The following COL21A1 variants were observed in gnomAD, a reference collection of about 807,000 sequenced individuals.
The protein encoded by COL21A1 is collagen type XXI alpha 1 chain, also known as collagen alpha-1(XXI) chain.
Under a neutral mutation model 137.9 loss-of-function variants are expected in COL21A1, and 149 were observed. The ratio of observed to expected loss-of-function variants is 1.08; its 90% CI spans 0.95 to 1.24. The LOEUF (loss-of-function observed/expected upper bound fraction) is 1.24. COL21A1 is among the 50% of genes most tolerant of loss of function. The probability of loss-of-function intolerance (pLI) is 0.00; values close to 1 mark genes in which losing one functional copy is unlikely to be tolerated. For synonymous variants in COL21A1, 456 were observed against 391.5 expected, an observed-to-expected ratio of 1.16 and a Z score of -1.95; for missense variants, 1,167 against 1,158.4, an observed-to-expected ratio of 1.01 and a Z score of -0.11.
At chr6:56,317,071 C>A (rs1467346304) in intron 1 of COL21A1, among the ~76,000 whole-genome samples, 1 of 152,116 alleles carries the variant, frequency 6.6e-6, no homozygotes, top group African/African-American at 2.4e-5. Flanking sequence ...GCTCTAGCAC[C>A]TTCTGTTCCA....
intron 1 of COL21A1, among the ~76,000 whole-genome samples, chr6:56,269,654 C>CAAAA (rs70986792): frequency 6.2e-5 from 4 of 64,048 alleles, no homozygotes; most frequent in African/African-American, 8.7e-5. Context: ...GACTCCGTCT[C>CAAAA]AAAAAAAAAA....
At chr6:56,297,849 A>T (rs1053404706) in intron 1 of COL21A1, among the ~76,000 whole-genome samples, 1 of 152,082 alleles carries the variant, frequency 6.6e-6, no homozygotes, top group African/African-American at 2.4e-5. Context: ...ATTATGTTAC[A>T]GTTAGGGTTT....
At chr6:56,347,957 T>C (rs976309100) in intron 1 of COL21A1, among the ~76,000 whole-genome samples, 4 of 152,222 alleles carry the variant, frequency 2.6e-5, no homozygotes, top group African/African-American at 9.6e-5. Context: ...AAAAATATTA[T>C]CATTTCATAT....
chr6:56,215,131 A>T (rs1462143573), intron 1 of COL21A1, among the ~76,000 whole-genome samples: 1 of 151,984 alleles, frequency 6.6e-6, no homozygotes, highest in Non-Finnish European at 1.5e-5. Flanking sequence ...TGATTCTTTT[A>T]TTGGCATGTC....
intron 1 of COL21A1, among the ~76,000 whole-genome samples, chr6:56,304,372 T>G (rs36149345): frequency 0.26 from 39,971 of 151,468 alleles, 6,496 homozygotes; most frequent in Non-Finnish European, 0.38. Context: ...TGGACTTTTT[T>G]TGGTTGGTAA....
chr6:56,392,702 T>G (rs2094032102), intron 1 of COL21A1, among the ~76,000 whole-genome samples: 2 of 151,946 alleles, frequency 1.3e-5, no homozygotes, highest in African/African-American at 4.8e-5. Flanking sequence ...CTAAAAACAG[T>G]GAATAATCTG....
rs574064756 is a variant in COL21A1, at chr6:56,210,083, G to T, written c.-38-27427C>A. On this transcript the variant is annotated intron_variant, in intron 1 of 29. Coordinates refer to ENST00000244728, the MANE Select transcript of COL21A1 (RefSeq NM_030820.4). ...GAGAGCACCTGGACTCAGGTGGGAGGCATCACACACTGGGGCCTGTTGGGT... is the reference window on the plus strand; with the variant it reads ...GAGAGCACCTGGACTCAGGTGGGAGTCATCACACACTGGGGCCTGTTGGGT... Among the ~76,000 whole-genome samples, 309 of 151,832 alleles carry T rather than the reference G, an allele frequency of 2.0e-3. 1 individual carries two copies. Among genetic ancestry groups the T allele is most frequent in the Non-Finnish European group, 2.8e-3 (192 of 67,930 alleles).
At chr6:56,346,672 G>T (rs1470040672) in intron 1 of COL21A1, among the ~76,000 whole-genome samples, 2 of 152,136 alleles carry the variant, frequency 1.3e-5, no homozygotes, top group African/African-American at 2.4e-5. Context: ...AAGTAGTTCA[G>T]TATGGTGTAA....
intron 16 of COL21A1, among the ~76,000 whole-genome samples, chr6:56,107,211 A>G (rs1771018054): frequency 6.6e-6 from 1 of 152,218 alleles, no homozygotes; most frequent in Non-Finnish European, 1.5e-5. Flanking sequence ...AAATTACTAG[A>G]AACCAAGGGA....
chr6:56,119,348 T>G (rs1479781882), intron 16 of COL21A1, among the ~76,000 whole-genome samples: 1 of 148,548 alleles, frequency 6.7e-6, no homozygotes, highest in Admixed American at 6.6e-5. Context: ...AAATTAAATA[T>G]CTAAGAATTG....
At chr6:56,122,732 A>C (rs1189779983) in intron 16 of COL21A1, among the ~76,000 whole-genome samples, 2 of 152,238 alleles carry the variant, frequency 1.3e-5, no homozygotes, top group Non-Finnish European at 2.9e-5. Flanking sequence ...GGAATCTTAA[A>C]GCTGTGTTCA....
chr6:56,194,379 G>A (rs761048959), intron 1 of COL21A1, among the ~76,000 whole-genome samples: 2 of 152,066 alleles, frequency 1.3e-5, no homozygotes, highest in African/African-American at 4.8e-5. Context: ...ATGAAGTTAG[G>A]CTTATCAAGT....
At chr6:56,322,656 G>A (rs1582779491) in intron 1 of COL21A1, among the ~76,000 whole-genome samples, 1 of 152,088 alleles carries the variant, frequency 6.6e-6, no homozygotes, top group Middle Eastern at 3.4e-3. Flanking sequence ...GTGAATACTA[G>A]CCATTTCTAT....
chr6:56,153,020 G>A (rs1241791825), intron 10 of COL21A1, among the ~76,000 whole-genome samples: 1 of 152,152 alleles, frequency 6.6e-6, no homozygotes, highest in Non-Finnish European at 1.5e-5. Flanking sequence ...AGTATCTTCA[G>A]TGAGATTAAA....
At chr6:56,184,419 T>G (rs1778125348) in intron 1 of COL21A1, among the ~76,000 whole-genome samples, 1 of 129,366 alleles carries the variant, frequency 7.7e-6, no homozygotes, top group African/African-American at 2.9e-5. Flanking sequence ...TTAAAGCTTC[T>G]AAATATATGA....
chr6:56,340,207 A>G (rs1423927048), intron 1 of COL21A1, among the ~76,000 whole-genome samples: 1 of 152,136 alleles, frequency 6.6e-6, no homozygotes, highest in Non-Finnish European at 1.5e-5. Flanking sequence ...TGGCCTGTTC[A>G]TCAGTCACCT....
intron 17 of COL21A1, among the ~76,000 whole-genome samples, chr6:56,099,286 T>G (rs374546180): frequency 7.0e-6 from 1 of 142,486 alleles, no homozygotes; most frequent in East Asian, 2.1e-4. Flanking sequence ...CAGGCTGGAG[T>G]GCAGTGGCGC....
rs1782220704 is a variant in COL21A1, at chr6:56,240,379, G to C, written c.-39+7008C>G. ...GCAGCCTCCACCTGACAACAGAACT[G>C]CCAGTGCCTTGATCTTAGATTCCAG... On this transcript the variant is annotated intron_variant, in intron 1 of 29. Coordinates refer to ENST00000244728, the MANE Select transcript of COL21A1 (RefSeq NM_030820.4). 2.0e-5 allele frequency among the ~76,000 whole-genome samples: 3 copies of C among 152,130 alleles called. No homozygotes were observed. The South Asian group carries it at 6.2e-4, about 31-fold the overall frequency.
rs371400437 is a variant in COL21A1, at chr6:56,339,908, G to A, written c.-39+54063C>T. ...AAAAATATATAAATGCAAGCAGCTA[G>A]TCACAAATGAAAAACCTCCAAAAGA... On this transcript the variant is annotated intron_variant, in intron 1 of 28. Coordinates refer to the COL21A1 transcript ENST00000370819. Among the ~76,000 whole-genome samples the A allele has an allele frequency of 4.6e-4, 70 of 152,258 alleles. 1 individual carries two copies. The South Asian group carries it at 0.014, about 30-fold the overall frequency.
Sources: gnomAD v4.1 joint callset for allele counts (sites outside exome capture counted in the v4.1 genomes callset) on GRCh38, gnomAD v4.1.1 for gene constraint, MANE v1.5 for transcripts, NCBI Gene and HGNC (gene_info 2026-07-23, HGNC 2026-07-21) for gene names.